The following PINX1 variants were observed in gnomAD, a reference collection of about 807,000 sequenced individuals.
PINX1 encodes the protein PIN2 (TERF1) interacting telomerase inhibitor 1, also known as PIN2/TERF1-interacting telomerase inhibitor 1.
Under a neutral mutation model 25.4 loss-of-function variants are expected in PINX1, and 34 were observed. The observed-to-expected ratio is 1.34, with a 90% confidence interval of 1.02 to 1.78. The LOEUF (loss-of-function observed/expected upper bound fraction) is 1.78. PINX1 is among the 40% of genes most tolerant of loss of function. PINX1 has a pLI of 0.00. For missense variants in PINX1, 592 were observed against 404.9 expected (o/e 1.46, Z -3.97); for synonymous variants, 197 against 147.7 (o/e 1.33, Z -2.42).
chr8:10,765,319 C>G lies in PINX1; in HGVS notation c.*82G>C, dbSNP rs191048477. The G allele has an allele frequency of 2.6e-5, 35 of 1,345,986 alleles. No individual in the cohort carries two copies. In the Admixed American group the frequency reaches 6.4e-4, roughly 25 times the overall value. The allele number at this position is 1,345,986 out of a possible 1,614,324, so 83.4% of individuals were successfully genotyped here. A position where few individuals can be genotyped will look rare whatever the true frequency, so the allele number is the denominator to read the frequency against. ...GCGCCCAGGCGCTCTGGGGTGAACT[C>G]TGCTGTGACTTCAGGCCAGAGGTGT... On this transcript the variant is annotated 3_prime_UTR_variant, in exon 7 of 7. Transcript: ENST00000314787.
chr8:10,787,709 T>C (rs1362370611), intron 6 of PINX1: 5 of 431,956 alleles, frequency 1.2e-5, no homozygotes, highest in African/African-American at 6.1e-5. Context: ...AGTGAGTCAG[T>C]GTACGGTCTC....
intron 4 of PINX1, among the ~76,000 whole-genome samples, chr8:10,829,123 T>G (rs1053281188): frequency 6.6e-6 from 1 of 151,810 alleles, no homozygotes; most frequent in Non-Finnish European, 1.5e-5. Flanking sequence ...CCGTCTCTAT[T>G]AAAAATACAA....
At chr8:10,790,945 CA>C (rs1229830554) in intron 6 of PINX1, among the ~76,000 whole-genome samples, 1 of 152,102 alleles carries the variant, frequency 6.6e-6, no homozygotes, top group Non-Finnish European at 1.5e-5. Context: ...CAGAGTATCC[CA>C]CCGTTGCCTC....
intron 6 of PINX1, among the ~76,000 whole-genome samples, chr8:10,800,746 C>A (rs888415157): frequency 2.0e-5 from 3 of 152,106 alleles, no homozygotes; most frequent in Non-Finnish European, 2.9e-5. Flanking sequence ...CTGGGATTAC[C>A]GGCCTAAGTC....
At chr8:10,807,202 C>G (rs1482543734) in intron 6 of PINX1, among the ~76,000 whole-genome samples, 1 of 151,846 alleles carries the variant, frequency 6.6e-6, no homozygotes, top group African/African-American at 2.4e-5. Flanking sequence ...GAGACAAGAA[C>G]AGGACATTAT....
At chr8:10,794,647 G>A (rs1050473959) in intron 6 of PINX1, among the ~76,000 whole-genome samples, 1 of 152,188 alleles carries the variant, frequency 6.6e-6, no homozygotes, top group East Asian at 1.9e-4. Flanking sequence ...GGCTGATCTC[G>A]AACTCCTGAC....
chr8:10,824,206 G>A (rs1316874930), intron 5 of PINX1, among the ~76,000 whole-genome samples: 1 of 152,188 alleles, frequency 6.6e-6, no homozygotes, highest in Non-Finnish European at 1.5e-5. Flanking sequence ...GAGTCTGAAG[G>A]GAAATGGGTA....
In PINX1 at chr8:10,831,684, G is replaced by A. The variant is rs547975007; in HGVS notation, c.282C>T (p.Cys94=). ...FNQLLAELNT[C]HGQETTDSSD... is the part of the protein sequence containing the mutation. Reference sequence around the variant, plus strand: ...CCCTACCTGTGGTTTCCTGCCCATGGCAAGTGTTCAGTTCGGCCAGAAGCT... The same window carrying A: ...CCCTACCTGTGGTTTCCTGCCCATGACAAGTGTTCAGTTCGGCCAGAAGCT... Residue 94 remains cysteine (C), a synonymous_variant, in exon 4 of 7, where the codon TGC becomes TGT. Coordinates refer to ENST00000314787, the MANE Select transcript of PINX1 (RefSeq NM_017884.6). The A allele has an allele frequency of 3.7e-6, 6 of 1,601,304 alleles. No homozygotes were observed. The South Asian group carries it at 4.5e-5, about 12-fold the overall frequency.
chr8:10,775,510 G>T (rs1801365213), intron 6 of PINX1, among the ~76,000 whole-genome samples: 1 of 143,416 alleles, frequency 7.0e-6, no homozygotes. Context: ...AAAGTTAGCA[G>T]AAAAATGAAG....
intron 6 of PINX1, among the ~76,000 whole-genome samples, chr8:10,813,241 A>G (rs2129083715): frequency 6.6e-6 from 1 of 152,314 alleles, no homozygotes; most frequent in Non-Finnish European, 1.5e-5. Flanking sequence ...GGGAGGGTAG[A>G]GCGATAGGTG....
chr8:10,831,228 A>G (rs992102270), intron 4 of PINX1, among the ~76,000 whole-genome samples: 1 of 152,208 alleles, frequency 6.6e-6, no homozygotes, highest in African/African-American at 2.4e-5. Context: ...GGAAAAGCTA[A>G]AAGAGTTGAG....
rs992427541 is a variant in PINX1 at position 10,793,527 on chromosome 8, C to T, written c.471+26666G>A. On this transcript the variant is annotated intron_variant, in intron 6 of 6. Coordinates refer to ENST00000314787, the MANE Select transcript of PINX1 (RefSeq NM_017884.6). ...ATTTGTGTTGGGCCACATTCAAAGC[C>T]GCCCTGGGCAGCATGCAGCCCACCC... 8.5e-5 allele frequency among the ~76,000 whole-genome samples: 13 copies of T among 152,270 alleles called. No individual in the cohort carries two copies. In the South Asian group the frequency reaches 1.5e-3, roughly 17 times the overall value.
At chr8:10,805,810 T>C (rs78779691) in intron 6 of PINX1, among the ~76,000 whole-genome samples, 3 of 116,156 alleles carry the variant, frequency 2.6e-5, no homozygotes, top group East Asian at 3.1e-4. Context: ...GCCACACTAG[T>C]GCTGAGGGGG....
intron 6 of PINX1, among the ~76,000 whole-genome samples, chr8:10,772,150 G>C (rs150357289): frequency 1.3e-5 from 2 of 152,388 alleles, no homozygotes; most frequent in East Asian, 1.9e-4. Flanking sequence ...TCTTGGTAAA[G>C]AGAAGAGAGT....
At chr8:10,766,373 G>A (rs1801046662) in intron 6 of PINX1, among the ~76,000 whole-genome samples, 1 of 152,228 alleles carries the variant, frequency 6.6e-6, no homozygotes, top group Non-Finnish European at 1.5e-5. Flanking sequence ...GGGCCCCTGT[G>A]TTGATCTAGA....
rs989651026 is a variant in PINX1, at chr8:10,765,143, T to C, written c.*258A>G. ...GTATTTGTAATGATTATAATTAAAC[T>C]CTCTTGCTGAAGGGCTCAGAGTTTA... On this transcript the variant is annotated 3_prime_UTR_variant, in exon 7 of 7. Transcript: ENST00000314787. 1.0e-5 allele frequency: 5 copies of C among 477,720 alleles called. No homozygotes were observed. Among genetic ancestry groups the C allele is most frequent in the African/African-American group, 3.9e-5 (2 of 51,466 alleles). The allele number at this position is 477,720 out of a possible 1,614,324, so 29.6% of individuals were successfully genotyped here.
intron 6 of PINX1, among the ~76,000 whole-genome samples, chr8:10,809,160 C>T (rs1437645330): frequency 6.6e-6 from 1 of 152,158 alleles, no homozygotes; most frequent in African/African-American, 2.4e-5. Context: ...GCTATTTTAG[C>T]CCTGTGGAGT....
chr8:10,787,857 C>A (rs1387012866), intron 6 of PINX1: 2 of 455,560 alleles, frequency 4.4e-6, no homozygotes, highest in Non-Finnish European at 8.8e-6. Context: ...GGAATGAGAA[C>A]CTATTGGTTA....
intron 6 of PINX1, among the ~76,000 whole-genome samples, chr8:10,767,292 G>A (rs987331017): frequency 9.9e-5 from 15 of 152,174 alleles, no homozygotes; most frequent in Admixed American, 9.8e-4. Context: ...CCACCTCAGT[G>A]GAATCCAAGA....
Sources: gnomAD v4.1 joint callset for allele counts (sites outside exome capture counted in the v4.1 genomes callset) on GRCh38, gnomAD v4.1.1 for gene constraint, MANE v1.5 for transcripts, NCBI Gene and HGNC (gene_info 2026-07-23, HGNC 2026-07-21) for gene names.